Variants in CASP6 observed in about 807,000 individuals in gnomAD.
The protein encoded by CASP6 is caspase-6.
CASP6 carries 20 observed loss-of-function variants against 31.8 expected under a neutral mutation model. The ratio of observed to expected loss-of-function variants is 0.63; its 90% CI spans 0.44 to 0.91. The LOEUF is 0.91. Ranked by LOEUF, CASP6 falls within the 40% of genes least tolerant of loss-of-function variation. CASP6 has a pLI of 0.00. For missense variants in CASP6, 328 were observed against 361.1 expected (o/e 0.91, Z 0.74); for synonymous variants, 130 against 127.8 (o/e 1.02, Z -0.12).
chr4:109,703,348 C>T lies in CASP6; in HGVS notation c.40+8G>A. ...CTGCTCGGTGCCCAGTCGACGCCCC[C>T]TGCCTACCTGCCGGGTGCCCCCTGC... On this transcript the variant is annotated splice_region_variant and intron_variant, in intron 1 of 6. Coordinates refer to ENST00000265164, the MANE Select transcript of CASP6 (RefSeq NM_001226.4). The T allele has an allele frequency of 1.9e-6, 3 of 1,608,574 alleles. No individual in the cohort carries two copies. The highest frequency in any genetic ancestry group is 2.5e-6 in the Non-Finnish European group (3 of 1,177,922).
intron 4 of CASP6, among the ~76,000 whole-genome samples, chr4:109,695,365 A>C (rs1292156314): frequency 6.6e-6 from 1 of 152,220 alleles, no homozygotes; most frequent in Admixed American, 6.5e-5. Flanking sequence ...TAAACTAAAA[A>C]TTTCCTTGAA....
At chr4:109,691,525 G>C (rs1380126177) in intron 5 of CASP6, among the ~76,000 whole-genome samples, 2 of 152,002 alleles carry the variant, frequency 1.3e-5, no homozygotes, top group Admixed American at 1.3e-4. Flanking sequence ...TAAAAAGTGA[G>C]GTCTCAAATT....
intron 6 of CASP6, among the ~76,000 whole-genome samples, chr4:109,689,772 G>T (rs1353429426): frequency 2.0e-5 from 3 of 152,106 alleles, no homozygotes; most frequent in Non-Finnish European, 4.4e-5. Flanking sequence ...TATACACGGG[G>T]TTAATTCTGT....
Position 109,689,224 on chromosome 4 carries a change from G to T in CASP6, c.*106C>A. On this transcript the variant is annotated 3_prime_UTR_variant, in exon 7 of 7. Transcript: ENST00000265164. ...TCGAACTCCCGACCTCAGGTGATCC[G>T]CCCACCTTGGACTCCCAAAGTGCTG... The T allele has an allele frequency of 9.8e-7, 1 of 1,016,510 alleles. No homozygotes were observed. The highest frequency in any genetic ancestry group is 1.5e-6 in the Non-Finnish European group (1 of 666,678). 63.0% of individuals were successfully genotyped at this position (1,016,510 alleles called of 1,614,324 possible).
At chr4:109,709,750 C>T in the CASP6 span, among the ~76,000 whole-genome samples, 1 of 152,154 alleles carries the variant, frequency 6.6e-6, no homozygotes, top group Non-Finnish European at 1.5e-5. Context: ...GATAATTCTA[C>T]AACTTAAAAA....
the CASP6 span, among the ~76,000 whole-genome samples, chr4:109,678,292 G>T: frequency 0.037 from 5,647 of 152,042 alleles, 377 homozygotes; most frequent in African/African-American, 0.13. Flanking sequence ...CGACAAAACC[G>T]CCATCATCAT....
rs536956201 is a variant in CASP6, at chr4:109,697,626, G to A, written c.226C>T (p.Arg76Cys). ...GTCADRDNLT[R>C]RFSDLGFEVK... The stretch of plus-strand genomic sequence containing the variant: ...ATAGGTAGATAAAACTACTACCTGC[G>A]GGTAAGATTGTCTCTATCTGCGCAG... Residue 76 changes from arginine (R) to cysteine (C), a missense_variant, in exon 3 of 7, where the codon CGC becomes TGC. Coordinates refer to ENST00000265164, the MANE Select transcript of CASP6 (RefSeq NM_001226.4). The A allele has an allele frequency of 4.9e-5, 79 of 1,602,888 alleles. No individual in the cohort carries two copies. The highest frequency in any genetic ancestry group is 1.2e-4 in the Admixed American group (7 of 57,160).
chr4:109,667,767 T>G, the CASP6 span, among the ~76,000 whole-genome samples: 1 of 151,562 alleles, frequency 6.6e-6, no homozygotes, highest in Non-Finnish European at 1.5e-5. Flanking sequence ...ATGTTTATTC[T>G]TTCCTGTTAT....
chr4:109,703,602 GC>G, upstream of CASP6: 1 of 620,664 alleles, frequency 1.6e-6, no homozygotes, highest in Non-Finnish European at 2.7e-6. Context: ...TCGCTCCGGA[GC>G]CCGCGGGGAC....
intron 2 of CASP6, 96 bp downstream of exon 2, chr4:109,698,204 T>C: frequency 7.4e-7 from 1 of 1,348,182 alleles, no homozygotes; most frequent in Non-Finnish European, 1.0e-6. Context: ...TCAGTTTTAC[T>C]TCCTAGCTCC....
chr4:109,681,419 T>C, the CASP6 span: 10 of 450,962 alleles, frequency 2.2e-5, no homozygotes, highest in East Asian at 7.1e-5. Flanking sequence ...CGATCTACCT[T>C]TGTTCTTTCT....
downstream of CASP6, among the ~76,000 whole-genome samples, chr4:109,683,852 G>C (rs755758670): frequency 7.6e-4 from 115 of 152,106 alleles, no homozygotes; most frequent in Non-Finnish European, 1.4e-3. Flanking sequence ...TTTTAGTTGG[G>C]TTTCAGAGGA....
At position 109,689,710 on chromosome 4, in the gene CASP6, A is replaced by T. The variant is rs537042228; in HGVS notation, c.644-142T>A. 3 of 694,838 alleles carry T rather than the reference A, an allele frequency of 4.3e-6. No individual in the cohort carries two copies. In the Admixed American group the frequency reaches 8.1e-5, roughly 19 times the overall value. 43.0% of individuals were successfully genotyped at this position (694,838 alleles called of 1,614,324 possible). A position where few individuals can be genotyped will look rare whatever the true frequency, so the allele number is the denominator to read the frequency against. On this transcript the variant is annotated intron_variant, in intron 6 of 6. Transcript: ENST00000265164. Reference sequence around the variant, plus strand: ...TGTCCATGATATAAATGGCTTTTAAATTTTTTTGACTCTTTTCAAATGGGA... The same window carrying T: ...TGTCCATGATATAAATGGCTTTTAATTTTTTTTGACTCTTTTCAAATGGGA...
chr4:109,693,803 C>A (rs532906492), intron 5 of CASP6, among the ~76,000 whole-genome samples: 1 of 149,744 alleles, frequency 6.7e-6, no homozygotes, highest in Non-Finnish European at 1.5e-5. Context: ...CAGTGGTATG[C>A]TCTCGGCTAA....
chr4:109,690,195 ATAC>A (rs1361510160), intron 6 of CASP6, among the ~76,000 whole-genome samples: 4 of 146,724 alleles, frequency 2.7e-5, no homozygotes, highest in Admixed American at 6.8e-5. Context: ...AAAAAAAAAA[ATAC>A]ACACACACAC....
chr4:109,666,719 G>T, the CASP6 span, among the ~76,000 whole-genome samples: 7 of 152,198 alleles, frequency 4.6e-5, no homozygotes, highest in African/African-American at 1.7e-4. Flanking sequence ...TTTTCTCCCA[G>T]GCTATGGCTT....
At chr4:109,664,597 T>G in the CASP6 span, among the ~76,000 whole-genome samples, 1 of 152,068 alleles carries the variant, frequency 6.6e-6, no homozygotes, top group African/African-American at 2.4e-5. Context: ...GCTAATTTTT[T>G]AACATTTTTT....
chr4:109,699,855 T>A (rs1730364609), intron 1 of CASP6, among the ~76,000 whole-genome samples: 1 of 152,242 alleles, frequency 6.6e-6, no homozygotes, highest in Non-Finnish European at 1.5e-5. Flanking sequence ...GCTGTCGGAA[T>A]CTACTGCCTT....
the CASP6 span, chr4:109,681,353 C>G: frequency 2.8e-6 from 1 of 352,946 alleles, no homozygotes; most frequent in East Asian, 9.1e-5. Flanking sequence ...TAAAGTTTGT[C>G]TGTAGATTCC....
Sources: gnomAD v4.1 joint callset for allele counts (sites outside exome capture counted in the v4.1 genomes callset) on GRCh38, gnomAD v4.1.1 for gene constraint, MANE v1.5 for transcripts, NCBI Gene and HGNC (gene_info 2026-07-23, HGNC 2026-07-21) for gene names.